The following TAF13 variants were observed in gnomAD, a reference collection of about 807,000 sequenced individuals.
TAF13 encodes the protein TATA-box binding protein associated factor 13, also known as transcription initiation factor TFIID subunit 13.
A neutral mutation model predicts 18.7 loss-of-function variants in TAF13; 9 were observed. That is an observed-to-expected ratio of 0.48 (90% confidence interval 0.29 to 0.84). TAF13 has a LOEUF of 0.84. TAF13 is among the 40% of genes least tolerant of loss of function. The pLI, the probability that TAF13 is intolerant of heterozygous loss-of-function variation, is 0.08. For missense variants in TAF13, 105 were observed against 146.5 expected, an observed-to-expected ratio of 0.72 and a Z score of 1.46; for synonymous variants, 49 against 44.1, an observed-to-expected ratio of 1.11 and a Z score of -0.44.
At chr1:109,073,413 G>T (rs540298313) in intron 2 of TAF13, among the ~76,000 whole-genome samples, 1 of 151,850 alleles carries the variant, frequency 6.6e-6, no homozygotes, top group Non-Finnish European at 1.5e-5. Context: ...CCTCCCCCTC[G>T]TCTGCGTCTC....
In TAF13 at chr1:109,064,703, A is replaced by T; in HGVS notation, c.205-10T>A. ...ACATTGCCTTGTGAGTCTATTACAA[A>T]GAAACATATTACATTTAACTTTTTT... On this transcript the variant is annotated splice_polypyrimidine_tract_variant and intron_variant, in intron 3 of 3. Transcript: ENST00000338366. 6.9e-7 allele frequency: 1 copy of T among 1,446,408 alleles called. No homozygotes were observed. The highest frequency in any genetic ancestry group is 9.1e-7 in the Non-Finnish European group (1 of 1,094,430). 89.6% of individuals were successfully genotyped at this position (1,446,408 alleles called of 1,614,324 possible).
chr1:109,066,345 A>G, intron 2 of TAF13, 113 bp from the exon 3 acceptor site: 1 of 780,554 alleles, frequency 1.3e-6, no homozygotes, highest in Non-Finnish European at 2.0e-6. Context: ...GTATGAAAAC[A>G]TATTTACATC....
At chr1:109,072,119 C>A (rs71514051) in intron 2 of TAF13, among the ~76,000 whole-genome samples, 4 of 6,932 alleles carry the variant, frequency 5.8e-4, no homozygotes, top group African/African-American at 1.8e-3. Flanking sequence ...TATATATACA[C>A]ACATATATAT....
intron 2 of TAF13, among the ~76,000 whole-genome samples, chr1:109,072,930 A>G (rs1370683726): frequency 6.6e-6 from 1 of 151,446 alleles, no homozygotes; most frequent in East Asian, 2.0e-4. Flanking sequence ...ACGGGGTTTC[A>G]TCATGTTGGC....
chr1:109,071,965 TA>T (rs1664065899), intron 2 of TAF13, among the ~76,000 whole-genome samples: 9 of 8,306 alleles, frequency 1.1e-3, no homozygotes, highest in African/African-American at 1.8e-3. Context: ...AAAATATATA[TA>T]TATATATATA....
intron 3 of TAF13, among the ~76,000 whole-genome samples, chr1:109,065,297 T>C (rs1663933059): frequency 1.3e-5 from 2 of 152,132 alleles, no homozygotes; most frequent in Admixed American, 6.6e-5. Flanking sequence ...AAGACCAACC[T>C]GGGCAACATA....
chr1:109,069,412 C>T (rs897361721), intron 2 of TAF13, among the ~76,000 whole-genome samples: 2 of 152,060 alleles, frequency 1.3e-5, no homozygotes, highest in Admixed American at 1.3e-4. Context: ...AATGTAAATG[C>T]TATGTAAATA....
intron 2 of TAF13, among the ~76,000 whole-genome samples, chr1:109,068,187 G>C (rs954335240): frequency 1.3e-5 from 2 of 152,208 alleles, no homozygotes; most frequent in African/African-American, 4.8e-5. Flanking sequence ...CCAGGGTGGA[G>C]TGCAATGGCA....
intron 2 of TAF13, among the ~76,000 whole-genome samples, chr1:109,068,480 A>G (rs1401940750): frequency 6.6e-6 from 1 of 152,050 alleles, no homozygotes; most frequent in Non-Finnish European, 1.5e-5. Flanking sequence ...TATGTTGCCT[A>G]GGCAGTTTTT....
intron 2 of TAF13, among the ~76,000 whole-genome samples, chr1:109,071,948 C>A (rs2102109807): frequency 1.6e-5 from 2 of 125,244 alleles, no homozygotes; most frequent in Admixed American, 8.6e-5. Flanking sequence ...GACTCTGTCT[C>A]AAAAAGAAAA....
At position 109,069,527 on chromosome 1, in the gene TAF13, T is replaced by C. The variant is rs544092620; in HGVS notation, c.107-3295A>G. 3.9e-5 allele frequency among the ~76,000 whole-genome samples: 6 copies of C among 152,226 alleles called. No individual in the cohort carries two copies. The East Asian group carries it at 9.6e-4, about 24-fold the overall frequency. Reference sequence around the variant, plus strand: ...CTGAATATTTTCCATCTGAGGTTGGTTGAATCCATGGATGCAGAACCCATG... The same window carrying C: ...CTGAATATTTTCCATCTGAGGTTGGCTGAATCCATGGATGCAGAACCCATG... On this transcript the variant is annotated intron_variant, in intron 2 of 3. Coordinates refer to ENST00000338366, the MANE Select transcript of TAF13 (RefSeq NM_005645.4).
chr1:109,068,339 C>T (rs983467000), intron 2 of TAF13, among the ~76,000 whole-genome samples: 3 of 152,002 alleles, frequency 2.0e-5, no homozygotes, highest in Admixed American at 2.0e-4. Flanking sequence ...GGTTTTGCCA[C>T]GTTGCCCAGA....
At chr1:109,073,565 G>C (rs1046216198) in intron 2 of TAF13, among the ~76,000 whole-genome samples, 1 of 152,118 alleles carries the variant, frequency 6.6e-6, no homozygotes, top group East Asian at 1.9e-4. Flanking sequence ...ACGGGGTTTC[G>C]CCGTGTTGGC....
intron 3 of TAF13, among the ~76,000 whole-genome samples, chr1:109,065,156 A>G (rs1468022830): frequency 6.6e-6 from 1 of 152,168 alleles, no homozygotes; most frequent in Admixed American, 6.6e-5. Flanking sequence ...CTATCACAGC[A>G]TTATTTCTAA....
At chr1:109,073,996 C>T (rs1445598875) in intron 2 of TAF13, among the ~76,000 whole-genome samples, 1 of 151,340 alleles carries the variant, frequency 6.6e-6, no homozygotes, top group African/African-American at 2.4e-5. Flanking sequence ...CGTCTGGGAA[C>T]TGAGGAGCGC....
intron 2 of TAF13, 50 bp from the exon 3 acceptor site, chr1:109,066,282 T>C: frequency 7.0e-7 from 1 of 1,430,164 alleles, no homozygotes; most frequent in Non-Finnish European, 9.6e-7. Flanking sequence ...GATTTAACAA[T>C]TTGATACTTT....
intron 2 of TAF13, among the ~76,000 whole-genome samples, chr1:109,067,669 TACAG>T (rs1156389373): frequency 3.3e-5 from 5 of 152,124 alleles, no homozygotes; most frequent in Admixed American, 3.3e-4. Flanking sequence ...AGAAGTCTAA[TACAG>T]ACAAATAAAA....
At chr1:109,072,117 C>A (rs71514050) in intron 2 of TAF13, among the ~76,000 whole-genome samples, 3 of 4,492 alleles carry the variant, frequency 6.7e-4, no homozygotes, top group African/African-American at 1.8e-3. Flanking sequence ...TATATATATA[C>A]ACACATATAT....
In TAF13 at chr1:109,064,167, A is replaced by AAAG. The variant is rs1414573441; in HGVS notation, c.*355_*356insCTT. 2.1e-5 allele frequency: 3 copies of AAAG among 144,432 alleles called. No individual in the cohort carries two copies. The highest frequency in any genetic ancestry group is 7.8e-5 in the African/African-American group (3 of 38,692). 8.9% of individuals were successfully genotyped at this position (144,432 alleles called of 1,614,324 possible). The stretch of plus-strand genomic sequence containing the variant: ...GTGAGACTCCATCTCAAAAAAAAAA[A>AAAG]AAAAAAAAAAAAAAGCTACAGTATA... On this transcript the variant is annotated 3_prime_UTR_variant, in exon 4 of 4. Coordinates refer to ENST00000338366, the MANE Select transcript of TAF13 (RefSeq NM_005645.4).
Sources: gnomAD v4.1 joint callset for allele counts (sites outside exome capture counted in the v4.1 genomes callset) on GRCh38, gnomAD v4.1.1 for gene constraint, MANE v1.5 for transcripts, NCBI Gene and HGNC (gene_info 2026-07-23, HGNC 2026-07-21) for gene names.